The following TMEM260 variants were observed in gnomAD, a reference collection of about 807,000 sequenced individuals.
The protein encoded by TMEM260 is transmembrane protein 260.
Under a neutral mutation model 88.9 loss-of-function variants are expected in TMEM260, and 82 were observed. That is an observed-to-expected ratio of 0.92 (90% CI 0.77 to 1.11). The LOEUF (loss-of-function observed/expected upper bound fraction) is 1.11, where lower values mean the gene tolerates loss of function less well. Among genes scored for constraint, TMEM260 ranks in the 50% least tolerant of loss-of-function variants. TMEM260 has a pLI of 0.00. For synonymous variants in TMEM260, 314 were observed against 309.3 expected, an observed-to-expected ratio of 1.02 and a Z score of -0.16; for missense variants, 902 against 853.4, an observed-to-expected ratio of 1.06 and a Z score of -0.71.
intron 13 of TMEM260, among the ~76,000 whole-genome samples, chr14:56,634,514 AGAT>A (rs1450945357): frequency 6.6e-6 from 1 of 152,220 alleles, no homozygotes; most frequent in Non-Finnish European, 1.5e-5. Context: ...TGGCCTTGTC[AGAT>A]GATAAAACAG....
intron 15 of TMEM260, among the ~76,000 whole-genome samples, chr14:56,637,447 T>C (rs900160016): frequency 6.6e-6 from 1 of 152,154 alleles, no homozygotes; most frequent in Non-Finnish European, 1.5e-5. Context: ...CACAAATCGG[T>C]CCTTTCTGAT....
chr14:56,644,064 G>A (rs1408168899), intron 15 of TMEM260, among the ~76,000 whole-genome samples: 3 of 152,144 alleles, frequency 2.0e-5, no homozygotes, highest in Non-Finnish European at 4.4e-5. Context: ...TCAATTGCGT[G>A]AAAATGGCCA....
chr14:56,608,120 A>G (rs1425777094), intron 5 of TMEM260, among the ~76,000 whole-genome samples: 1 of 152,208 alleles, frequency 6.6e-6, no homozygotes, highest in Admixed American at 6.5e-5. Flanking sequence ...TCTCAAATGA[A>G]ATCAGTACTG....
chr14:56,647,654 T>C lies in TMEM260; in HGVS notation c.*157T>C. 1.3e-6 allele frequency: 1 copy of C among 762,316 alleles called. No homozygotes were observed. The highest frequency in any genetic ancestry group is 2.0e-6 in the Non-Finnish European group (1 of 501,896). 47.2% of individuals were successfully genotyped at this position (762,316 alleles called of 1,614,324 possible). ...TCCAGCAGTACTGTTTAATGGGGTA[T>C]TCAGTGACTAAGGTCTGCTATTTAT... On this transcript the variant is annotated 3_prime_UTR_variant, in exon 16 of 16. Transcript: ENST00000261556.
chr14:56,647,379 G>C lies in TMEM260; in HGVS notation c.2006G>C (p.Arg669Thr), dbSNP rs757658321. 26 of 1,614,078 alleles carry C rather than the reference G, an allele frequency of 1.6e-5. No homozygotes were observed. Among genetic ancestry groups the C allele is most frequent in the Non-Finnish European group, 2.1e-5 (25 of 1,180,056 alleles). The change falls in exon 16 of 16, where the codon AGA becomes ACA. Residue 669 changes from arginine (R) to threonine (T), a missense_variant. Coordinates refer to ENST00000261556, the MANE Select transcript of TMEM260 (RefSeq NM_017799.4). ...DPEVLLSETI[R>T]HFRLYSQKAP... ...GAAGTGCTGTTATCGGAAACCATCA[G>C]ACATTTCCGTCTGTACTCTCAGAAA...
intron 15 of TMEM260, among the ~76,000 whole-genome samples, chr14:56,640,197 C>G (rs1464200212): frequency 1.3e-5 from 2 of 152,186 alleles, no homozygotes; most frequent in Admixed American, 1.3e-4. Context: ...AGACTGCCTC[C>G]TCAAGTGGGT....
intron 13 of TMEM260, among the ~76,000 whole-genome samples, chr14:56,634,352 G>A (rs1035684639): frequency 6.6e-6 from 1 of 152,112 alleles, no homozygotes; most frequent in Admixed American, 6.5e-5. Context: ...ATGTCTTCCT[G>A]TTAATCTTCT....
downstream of TMEM260, among the ~76,000 whole-genome samples, chr14:56,652,489 C>CAAAAAAA (rs34203722): frequency 8.7e-6 from 1 of 115,192 alleles, no homozygotes. Flanking sequence ...CAGAGTGTCT[C>CAAAAAAA]AAAAAAAAAA....
chr14:56,634,931 A>T lies in TMEM260; in HGVS notation c.1757A>T (p.Asn586Ile). 6.2e-7 allele frequency: 1 copy of T among 1,614,044 alleles called. No individual in the cohort carries two copies. The highest frequency in any genetic ancestry group is 8.5e-7 in the Non-Finnish European group (1 of 1,179,978). ...CCATCTTCTTGGGAATCTGTGGCCA[A>T]TGAAGAAATGTGGCAAGCGAGGTGA... The part of the protein sequence containing the change: ...FDPSSWESVA[N>I]EEMWQARMKT... Residue 586 changes from asparagine to isoleucine, a missense_variant, in exon 14 of 16, where the codon AAT (asparagine) becomes ATT (isoleucine). By Grantham distance (149) the Asn-to-Ile change is moderately radical (BLOSUM62 -3). Coordinates refer to ENST00000261556, the MANE Select transcript of TMEM260 (RefSeq NM_017799.4).
chr14:56,622,696 G>C (rs1888006422), intron 11 of TMEM260, among the ~76,000 whole-genome samples: 1 of 152,006 alleles, frequency 6.6e-6, no homozygotes, highest in Non-Finnish European at 1.5e-5. Flanking sequence ...TGTTTTTAGA[G>C]CAGTCATTAG....
intron 12 of TMEM260, among the ~76,000 whole-genome samples, chr14:56,629,898 G>T (rs1888472842): frequency 6.6e-6 from 1 of 152,062 alleles, no homozygotes; most frequent in Non-Finnish European, 1.5e-5. Context: ...AAAATTAGCT[G>T]GACGTGGTGG....
rs34268894 is a variant in TMEM260, at chr14:56,593,677, CTTTTTTTTTTT to C, written c.344+7783_344+7793del. 6.6e-4 allele frequency among the ~76,000 whole-genome samples: 42 copies of C among 63,508 alleles called. 1 individual carries two copies. In the East Asian group the frequency reaches 0.01, roughly 16 times the overall value. The allele number at this position is 63,508 out of a possible 152,430, so 41.7% of individuals were successfully genotyped here. ...ATTATTGGTATTGACAGGTGAGTGT[CTTTTTTTTTTT>C]TTTTTTTTTTTTTTTTTGAGACTGA... On this transcript the variant is annotated intron_variant, in intron 3 of 15. Coordinates refer to ENST00000261556, the MANE Select transcript of TMEM260 (RefSeq NM_017799.4).
intron 3 of TMEM260, among the ~76,000 whole-genome samples, chr14:56,599,369 C>T (rs867336614): frequency 3.3e-5 from 5 of 152,180 alleles, no homozygotes; most frequent in African/African-American, 1.2e-4. Context: ...CTATCCACAG[C>T]CATGTGTACT....
chr14:56,634,333 A>G (rs72711226), intron 13 of TMEM260, among the ~76,000 whole-genome samples: 9,648 of 152,284 alleles, frequency 0.063, 442 homozygotes, highest in Middle Eastern at 0.11. Context: ...GGCTCCCCAG[A>G]GACTTTCAAT....
Position 56,618,611 on chromosome 14 carries a change from G to C in TMEM260, c.1074G>C (p.Met358Ile). 6.2e-7 allele frequency: 1 copy of C among 1,614,088 alleles called. No individual in the cohort carries two copies. Among genetic ancestry groups the C allele is most frequent in the African/African-American group, 1.3e-5 (1 of 75,042 alleles). ...TTTCACAGGTGGAACGATTCTGGAT[G>C]CAGAGCAATGCAGTAGTGGCCGTCC... ...LFMGVVERFW[M>I]QSNAVVAVLA... is the part of the protein sequence containing the mutation. Residue 358 changes from methionine to isoleucine, a missense_variant, in exon 10 of 16, where the codon ATG becomes ATC. Met to Ile is a conservative substitution (Grantham distance 10, BLOSUM62 1). Transcript: ENST00000261556.
chr14:56,602,474 G>A (rs549803679), intron 3 of TMEM260, among the ~76,000 whole-genome samples: 32 of 152,168 alleles, frequency 2.1e-4, no homozygotes, highest in South Asian at 6.2e-4. Context: ...CTCAAGCAGC[G>A]GAGAGTCCTT....
Position 56,648,737 on chromosome 14 carries a change from T to G in TMEM260, c.*1240T>G, listed in dbSNP as rs1890115279. On this transcript the variant is annotated 3_prime_UTR_variant, in exon 16 of 16. Coordinates refer to ENST00000261556, the MANE Select transcript of TMEM260 (RefSeq NM_017799.4). ...CCATAATTAAAACCACTAATTCTCT[T>G]TTAAAATGCTGCAGGATGCCATGTA... 2 of 152,652 alleles carry G rather than the reference T, an allele frequency of 1.3e-5. No individual in the cohort carries two copies. Among genetic ancestry groups the G allele is most frequent in the African/African-American group, 4.8e-5 (2 of 41,450 alleles). The allele number at this position is 152,652 out of a possible 1,614,324, so 9.5% of individuals were successfully genotyped here.
chr14:56,656,621 C>G, the TMEM260 span, among the ~76,000 whole-genome samples: 1 of 152,162 alleles, frequency 6.6e-6, no homozygotes, highest in South Asian at 2.1e-4. Context: ...CAGTTCTTCT[C>G]TACTTCCTAC....
At chr14:56,642,485 A>AAT (rs1160941014) in intron 15 of TMEM260, among the ~76,000 whole-genome samples, 6 of 152,222 alleles carry the variant, frequency 3.9e-5, no homozygotes, top group African/African-American at 9.7e-5. Flanking sequence ...AACATACCAG[A>AAT]ATCTCTGGGA....
Sources: gnomAD v4.1 joint callset for allele counts (sites outside exome capture counted in the v4.1 genomes callset) on GRCh38, gnomAD v4.1.1 for gene constraint, MANE v1.5 for transcripts, NCBI Gene and HGNC (gene_info 2026-07-23, HGNC 2026-07-21) for gene names.